The following TOR1AIP2 variants were observed in gnomAD, a reference collection of about 807,000 sequenced individuals.
TOR1AIP2 encodes torsin-1A-interacting protein 2.
Under a neutral mutation model 32.6 loss-of-function variants are expected in TOR1AIP2, and 20 were observed. The observed-to-expected ratio is 0.61, with a 90% CI of 0.43 to 0.89. The LOEUF is 0.89. Among genes scored for constraint, TOR1AIP2 ranks in the 40% least tolerant of loss-of-function variants. The pLI, the probability that TOR1AIP2 is intolerant of heterozygous loss-of-function variation, is 0.00. For missense variants in TOR1AIP2, 456 were observed against 553.8 expected, an observed-to-expected ratio of 0.82 and a Z score of 1.77; for synonymous variants, 214 against 210.8, an observed-to-expected ratio of 1.02 and a Z score of -0.13.
At chr1:179,846,894 T>C in intron 6 of TOR1AIP2, 66 bp from the exon 7 acceptor site, 1 of 1,490,158 alleles carries the variant, frequency 6.7e-7, no homozygotes, top group Non-Finnish European at 8.9e-7. Flanking sequence ...AAGCCTGTGG[T>C]AAACTGAAAT....
chr1:179,862,179 G>C, intron 3 of TOR1AIP2: 1 of 984,184 alleles, frequency 1.0e-6, no homozygotes, highest in Non-Finnish European at 1.2e-6. Context: ...ATTTAATGGA[G>C]ATATTGACTA....
Position 179,846,526 on chromosome 1 carries a change from T to C in TOR1AIP2, c.958A>G (p.Thr320Ala). The C allele has an allele frequency of 6.2e-7, 1 of 1,614,034 alleles. No individual in the cohort carries two copies. Among genetic ancestry groups the C allele is most frequent in the Non-Finnish European group, 8.5e-7 (1 of 1,179,982 alleles). The change falls in exon 7 of 7, where the codon ACC becomes GCC. Residue 320 changes from threonine to alanine, a missense_variant. By Grantham distance (58) the Thr-to-Ala change is moderately conservative. Transcript: ENST00000609928. ...ATGGGAGAGACTTTCTGGGAAGAGG[T>C]GTAGGCATCTGCAACATGGTGGCTC... Reference protein sequence around the residue: ...CLSHHVADAYTSSQKVSPIQI... With the variant: ...CLSHHVADAYASSQKVSPIQI...
Position 179,855,059 on chromosome 1 carries a change from TA to T in TOR1AIP2, c.-146-2249del, listed in dbSNP as rs1176595887. 4.6e-5 allele frequency among the ~76,000 whole-genome samples: 7 copies of T among 152,254 alleles called. No homozygotes were observed. In the East Asian group the frequency reaches 1.4e-3, roughly 29 times the overall value. The stretch of plus-strand genomic sequence containing the variant: ...GCGTGGGGACAACTGACTATTCAAA[TA>T]GGGGGAAAAATTAGATTTCTGTCTC... On this transcript the variant is annotated intron_variant, in intron 3 of 6. Transcript: ENST00000609928.
At chr1:179,860,230 C>G in intron 3 of TOR1AIP2, 1 of 984,718 alleles carries the variant, frequency 1.0e-6, no homozygotes, top group Admixed American at 6.1e-5. Context: ...TGCCTATAAT[C>G]CCAGCACTTT....
chr1:179,861,594 A>G (rs990786757), intron 3 of TOR1AIP2: 3 of 985,344 alleles, frequency 3.0e-6, no homozygotes, highest in Non-Finnish European at 3.6e-6. Context: ...AGACTGAAAC[A>G]TTCCTGATTA....
Position 179,844,545 on chromosome 1 carries a change from T to G in TOR1AIP2, c.*1526A>C, listed in dbSNP as rs1254333621. The G allele has an allele frequency of 1.3e-5, 2 of 152,024 alleles. No individual in the cohort carries two copies. The allele number at this position is 152,024 out of a possible 1,614,324, so 9.4% of individuals were successfully genotyped here. A position where few individuals can be genotyped will look rare whatever the true frequency, so the allele number is the denominator to read the frequency against. ...CTTTGTTAGGTCGAGATCATTTTAC[T>G]AGAGTTCTGCTTTCAGAGCTCAAAT... On this transcript the variant is annotated 3_prime_UTR_variant, in exon 7 of 7. Transcript: ENST00000609928.
chr1:179,867,175 G>C (rs1032940357), intron 2 of TOR1AIP2, among the ~76,000 whole-genome samples: 1 of 152,190 alleles, frequency 6.6e-6, no homozygotes, highest in African/African-American at 2.4e-5. Context: ...GGCGAATGAA[G>C]AGGCTCTGAT....
chr1:179,864,378 A>C (rs775654586), intron 3 of TOR1AIP2: 7 of 991,620 alleles, frequency 7.1e-6, no homozygotes, highest in Non-Finnish European at 8.4e-6. Flanking sequence ...GGATCCAGCT[A>C]TAACGAGGCT....
At chr1:179,863,331 C>T in intron 3 of TOR1AIP2, 1 of 985,032 alleles carries the variant, frequency 1.0e-6, no homozygotes, top group Non-Finnish European at 1.2e-6. Flanking sequence ...CCCAGGCTCC[C>T]TTGTAAACTG....
intron 6 of TOR1AIP2, among the ~76,000 whole-genome samples, chr1:179,847,202 C>T (rs763023878): frequency 3.9e-5 from 6 of 151,968 alleles, no homozygotes; most frequent in Admixed American, 6.6e-5. Context: ...TACCTATAGC[C>T]GACCATTTTT....
At chr1:179,861,866 G>GTT in intron 3 of TOR1AIP2, 3 of 919,402 alleles carry the variant, frequency 3.3e-6, no homozygotes, top group Non-Finnish European at 3.9e-6. Context: ...CTTTTATGTT[G>GTT]TTTTTTTTTC....
At position 179,840,002 on chromosome 1, in the gene TOR1AIP2, T is replaced by C. The variant is rs1285294893; in HGVS notation, c.*6069A>G. On this transcript the variant is annotated 3_prime_UTR_variant, in exon 7 of 7. Coordinates refer to ENST00000609928, the MANE Select transcript of TOR1AIP2 (RefSeq NM_001199260.2). ...TCAGATTTATTCTTTATTCTGGTAA[T>C]GGCCAACTAATCTGAATAAGGCACA... The C allele has an allele frequency of 6.6e-6, 1 of 152,256 alleles. No homozygotes were observed. The highest frequency in any genetic ancestry group is 1.9e-4 in the East Asian group (1 of 5,202). 9.4% of individuals were successfully genotyped at this position (152,256 alleles called of 1,614,324 possible).
At chr1:179,867,388 A>C (rs1696825738) in intron 2 of TOR1AIP2, 1 of 152,218 alleles carries the variant, frequency 6.6e-6, no homozygotes. Context: ...AGCACAGGGC[A>C]TAATAGATTT....
chr1:179,876,415 A>C (rs1435122320), intron 2 of TOR1AIP2, among the ~76,000 whole-genome samples: 1 of 152,220 alleles, frequency 6.6e-6, no homozygotes, highest in Non-Finnish European at 1.5e-5. Context: ...GAGTCACGCA[A>C]GGTTGCGTAA....
Position 179,841,173 on chromosome 1 carries a change from T to C in TOR1AIP2, c.*4898A>G, listed in dbSNP as rs1166947502. 1.3e-5 allele frequency: 2 copies of C among 152,218 alleles called. No homozygotes were observed. Among genetic ancestry groups the C allele is most frequent in the East Asian group, 3.8e-4 (2 of 5,200 alleles). 9.4% of individuals were successfully genotyped at this position (152,218 alleles called of 1,614,324 possible). On this transcript the variant is annotated 3_prime_UTR_variant, in exon 7 of 7. Coordinates refer to ENST00000609928, the MANE Select transcript of TOR1AIP2 (RefSeq NM_001199260.2). ...TTCAACCAAGCATTTGCCATAAAGATAAGCATCAACTTTCCCATTGGACAA... is the reference window on the plus strand; with the variant it reads ...TTCAACCAAGCATTTGCCATAAAGACAAGCATCAACTTTCCCATTGGACAA...
chr1:179,867,015 A>G (rs370022521), intron 2 of TOR1AIP2, among the ~76,000 whole-genome samples: 5 of 152,180 alleles, frequency 3.3e-5, no homozygotes, highest in Non-Finnish European at 7.3e-5. Flanking sequence ...TATGAGAGTA[A>G]TAAGAGACGC....
At chr1:179,849,004 C>T (rs1235102101) in intron 5 of TOR1AIP2, among the ~76,000 whole-genome samples, 5 of 151,930 alleles carry the variant, frequency 3.3e-5, no homozygotes, top group African/African-American at 7.2e-5. Context: ...GGCACGGTGG[C>T]GGGTGCCTGT....
intron 3 of TOR1AIP2, chr1:179,859,870 C>T (rs1356369363): frequency 2.0e-6 from 2 of 977,748 alleles, no homozygotes. Context: ...CTCTGTTGCC[C>T]AGGCTGGAGG....
Position 179,842,856 on chromosome 1 carries a change from A to C in TOR1AIP2, c.*3215T>G, listed in dbSNP as rs1453415681. 1 of 152,130 alleles carries C rather than the reference A, an allele frequency of 6.6e-6. No homozygotes were observed. Among genetic ancestry groups the C allele is most frequent in the Non-Finnish European group, 1.5e-5 (1 of 68,046 alleles). The allele number at this position is 152,130 out of a possible 1,614,324, so 9.4% of individuals were successfully genotyped here. On this transcript the variant is annotated 3_prime_UTR_variant, in exon 7 of 7. Coordinates refer to ENST00000609928, the MANE Select transcript of TOR1AIP2 (RefSeq NM_001199260.2). ...TCAGGAGATCGAGACCATCCTGGCT[A>C]ACACGGTGAAACCCTGTCTCTACTA...
Sources: gnomAD v4.1 joint callset for allele counts (sites outside exome capture counted in the v4.1 genomes callset) on GRCh38, gnomAD v4.1.1 for gene constraint, MANE v1.5 for transcripts, NCBI Gene and HGNC (gene_info 2026-07-23, HGNC 2026-07-21) for gene names.